ZNF718: variants seen among roughly 807,000 people sequenced by gnomAD.
ZNF718 encodes zinc finger protein 718.
A neutral mutation model predicts 2.6 loss-of-function variants in ZNF718; 3 were observed. That is an observed-to-expected ratio of 1.16 (90% CI 0.53 to 3.01). The LOEUF (loss-of-function observed/expected upper bound fraction) is 3.01. ZNF718 is among the 30% of genes most tolerant of loss of function. ZNF718 has a pLI of 0.03. For missense variants in ZNF718, 468 were observed against 230.0 expected, an observed-to-expected ratio of 2.03 and a Z score of -6.69; for synonymous variants, 135 against 77.9, an observed-to-expected ratio of 1.73 and a Z score of -3.86.
intron 3 of ZNF718, among the ~76,000 whole-genome samples, chr4:185,733 C>G (rs1195448633): frequency 1.3e-5 from 2 of 152,126 alleles, no homozygotes; most frequent in Admixed American, 1.3e-4. Context: ...TGAATTGAAA[C>G]CTTTACCCTT....
At chr4:135,110 C>T (rs1192670116) in intron 3 of ZNF718, among the ~76,000 whole-genome samples, 6 of 151,960 alleles carry the variant, frequency 3.9e-5, no homozygotes, top group African/African-American at 1.5e-4. Context: ...GGCGTGGTGG[C>T]ACGCGCCTGT....
chr4:151,285 T>C (rs1716310079), intron 3 of ZNF718, among the ~76,000 whole-genome samples: 1 of 151,378 alleles, frequency 6.6e-6, no homozygotes, highest in African/African-American at 2.4e-5. Context: ...TTTTGTATTT[T>C]AGTAGAGACG....
At chr4:140,796 A>G (rs1293368278) in intron 3 of ZNF718, among the ~76,000 whole-genome samples, 4 of 152,268 alleles carry the variant, frequency 2.6e-5, no homozygotes, top group African/African-American at 7.2e-5. Context: ...AAATTGGCTT[A>G]TAAGTAAAAG....
chr4:191,333 G>T (rs1405945459), intron 3 of ZNF718, among the ~76,000 whole-genome samples: 1 of 151,772 alleles, frequency 6.6e-6, no homozygotes, highest in Admixed American at 6.6e-5. Context: ...ATTTGTTTTA[G>T]TAGAGACGGG....
intron 3 of ZNF718, among the ~76,000 whole-genome samples, chr4:139,289 A>AT (rs1159041836): frequency 6.6e-6 from 1 of 151,982 alleles, no homozygotes; most frequent in Non-Finnish European, 1.5e-5. Context: ...TTTTGATTTA[A>AT]TTTTTTTTAG....
At chr4:167,674 C>G (rs577089944), downstream of ZNF718, among the ~76,000 whole-genome samples, 17 of 152,092 alleles carry the variant, frequency 1.1e-4, no homozygotes, top group African/African-American at 3.6e-4. Flanking sequence ...TGTATAAGAA[C>G]GCTTGGGATT....
chr4:176,484 T>C (rs1175636180), intron 3 of ZNF718, among the ~76,000 whole-genome samples: 1 of 152,158 alleles, frequency 6.6e-6, no homozygotes, highest in African/African-American at 2.4e-5. Context: ...GGGTGGGTGC[T>C]CTTGACCCAG....
rs1240787558 is a variant in ZNF718, at chr4:163,521, G to A, written c.*1399G>A. 6.6e-6 allele frequency: 1 copy of A among 152,142 alleles called. No individual in the cohort carries two copies. The highest frequency in any genetic ancestry group is 1.9e-4 in the East Asian group (1 of 5,188). 9.4% of individuals were successfully genotyped at this position (152,142 alleles called of 1,614,324 possible). ...AAGGACATTGAAAGATGCATGAGAT[G>A]ATGCATACATCTTTGTGGTTGACTT... On this transcript the variant is annotated 3_prime_UTR_variant, in exon 4 of 4. Transcript: ENST00000510175.
chr4:173,923 C>A (rs960072713), intron 3 of ZNF718, among the ~76,000 whole-genome samples: 4 of 152,202 alleles, frequency 2.6e-5, no homozygotes, highest in Admixed American at 1.3e-4. Flanking sequence ...TTGATGCTCG[C>A]ATTTGTTTAC....
At chr4:136,348 C>T (rs183450650) in intron 3 of ZNF718, 23 of 519,864 alleles carry the variant, frequency 4.4e-5, no homozygotes, top group South Asian at 1.3e-4. Context: ...TAGCTGAGGC[C>T]GAGATCTGTA....
At chr4:146,312 C>T (rs1481580135) in intron 3 of ZNF718, among the ~76,000 whole-genome samples, 5 of 151,934 alleles carry the variant, frequency 3.3e-5, no homozygotes, top group South Asian at 2.1e-4. Flanking sequence ...TATTTGTCAA[C>T]GTTTTTTCTT....
chr4:130,909 C>G lies in ZNF718; in HGVS notation c.125C>G (p.Ser42Cys). 5.7e-6 allele frequency: 2 copies of G among 351,346 alleles called. 1 individual carries two copies. The highest frequency in any genetic ancestry group is 1.7e-4 in the East Asian group (2 of 11,696). The allele number at this position is 351,346 out of a possible 1,614,324, so 21.8% of individuals were successfully genotyped here. A position where few individuals can be genotyped will look rare whatever the true frequency, so the allele number is the denominator to read the frequency against. Residue 42 changes from serine to cysteine, a missense_variant, in exon 2 of 4, where the codon TCC becomes TGC. Coordinates refer to ENST00000510175, the MANE Select transcript of ZNF718 (RefSeq NM_001039127.6). ...TTGGAGAACTACAGAAACCTGGTCT[C>G]CCTGGGTAAGGATAACTTTAATATG... is the stretch of plus-strand genomic sequence containing the variant. ...VMLENYRNLV[S>C]LGVSISNPDL...
chr4:187,193 T>C (rs1717586567), intron 3 of ZNF718, among the ~76,000 whole-genome samples: 2 of 152,034 alleles, frequency 1.3e-5, no homozygotes, highest in African/African-American at 4.8e-5. Context: ...GCTTGGTTTT[T>C]TTGTTTTTTT....
intron 3 of ZNF718, among the ~76,000 whole-genome samples, chr4:133,707 A>T (rs149821844): frequency 8.9e-4 from 135 of 152,354 alleles, no homozygotes; most frequent in African/African-American, 3.1e-3. Flanking sequence ...TATAGCAACA[A>T]TGTTCATTTA....
chr4:142,726 A>C (rs1553810466), intron 3 of ZNF718, among the ~76,000 whole-genome samples: 1 of 152,258 alleles, frequency 6.6e-6, no homozygotes, highest in Non-Finnish European at 1.5e-5. Flanking sequence ...GTACCTGTGC[A>C]GCTGCTGGCA....
intron 3 of ZNF718, among the ~76,000 whole-genome samples, chr4:195,543 C>A (rs1003757036): frequency 1.3e-5 from 2 of 151,772 alleles, no homozygotes; most frequent in East Asian, 3.9e-4. Flanking sequence ...AATAGAATAG[C>A]CCTATACTTT....
chr4:164,187 C>T (rs1553816317), downstream of ZNF718, among the ~76,000 whole-genome samples: 1 of 151,950 alleles, frequency 6.6e-6, no homozygotes, highest in South Asian at 2.1e-4. Flanking sequence ...TCTGGCATCT[C>T]TTCTGGCAAA....
rs1715295139 is a variant in ZNF718, at chr4:128,936, C to T, written c.4-1852C>T. 1.9e-5 allele frequency among the ~76,000 whole-genome samples: 2 copies of T among 104,300 alleles called. 1 individual carries two copies. The highest frequency in any genetic ancestry group is 4.3e-5 in the Non-Finnish European group (2 of 46,776). 68.4% of individuals were successfully genotyped at this position (104,300 alleles called of 152,430 possible). On this transcript the variant is annotated intron_variant, in intron 1 of 3. Transcript: ENST00000510175. ...GAAAAAGACATAAAGCAGTCATGGT[C>T]CCTACCATCAAGGAACTTGCAGTCT... is the stretch of plus-strand genomic sequence containing the variant.
intron 3 of ZNF718, among the ~76,000 whole-genome samples, chr4:200,828 A>C (rs1044548715): frequency 1.3e-5 from 2 of 152,252 alleles, no homozygotes; most frequent in African/African-American, 4.8e-5. Context: ...TTAATGCTGC[A>C]AGTTTACAGC....
Sources: allele counts gnomAD v4.1 joint callset (sites outside exome capture counted in the v4.1 genomes callset), GRCh38; gene constraint gnomAD v4.1.1; transcripts MANE v1.5; gene names NCBI Gene and HGNC (gene_info 2026-07-23, HGNC 2026-07-21).